The following LPP variants were observed in gnomAD, a reference collection of about 807,000 sequenced individuals.
LPP encodes the protein lipoma-preferred partner.
In LPP, 38 loss-of-function variants were observed where a neutral mutation model predicts 60.4. The observed-to-expected ratio is 0.63, with a 90% confidence interval of 0.49 to 0.83. The LOEUF (loss-of-function observed/expected upper bound fraction) is 0.83, where lower values mean the gene tolerates loss of function less well. Among genes scored for constraint, LPP ranks in the 40% least tolerant of loss-of-function variants. LPP has a pLI of 0.00. For missense variants in LPP, 902 were observed against 783.6 expected (o/e 1.15, Z -1.80); for synonymous variants, 328 against 290.8 (o/e 1.13, Z -1.30).
intron 8 of LPP, chr3:188,725,606 T>G (rs1194001032): frequency 2.0e-5 from 3 of 152,216 alleles, no homozygotes; most frequent in African/African-American, 7.2e-5. Context: ...GATCTCTAGA[T>G]AGGAAATATA....
chr3:188,425,119 A>T (rs148369628), intron 4 of LPP, among the ~76,000 whole-genome samples: 2,572 of 152,230 alleles, frequency 0.017, 83 homozygotes, highest in African/African-American at 0.058. Flanking sequence ...GGTATGTTCC[A>T]TCAATACCTA....
At chr3:188,498,205 A>G (rs1387477067) in intron 5 of LPP, among the ~76,000 whole-genome samples, 2 of 152,148 alleles carry the variant, frequency 1.3e-5, no homozygotes, top group Middle Eastern at 3.2e-3. Flanking sequence ...CATAATATAA[A>G]ATTTACTATC....
At chr3:188,427,081 C>T (rs2149102936) in intron 4 of LPP, among the ~76,000 whole-genome samples, 1 of 152,272 alleles carries the variant, frequency 6.6e-6, no homozygotes, top group South Asian at 2.1e-4. Flanking sequence ...TTTGCAGTGG[C>T]TAGTACTGTA....
At chr3:188,837,256 G>A (rs994040190) in intron 9 of LPP, among the ~76,000 whole-genome samples, 4 of 151,924 alleles carry the variant, frequency 2.6e-5, no homozygotes, top group African/African-American at 9.7e-5. Context: ...GCTGGCGCCT[G>A]TGGTCCCAGC....
At chr3:188,322,412 A>C (rs970819923) in intron 2 of LPP, among the ~76,000 whole-genome samples, 7 of 152,050 alleles carry the variant, frequency 4.6e-5, no homozygotes, top group Non-Finnish European at 1.0e-4. Context: ...CAGAGCCCTG[A>C]GCTGGGAAAT....
At position 188,879,667 on chromosome 3, in the gene LPP, A is replaced by C. The variant is rs1230406235; in HGVS notation, c.*5188A>C. The C allele has an allele frequency of 5.5e-6, 1 of 182,986 alleles. No homozygotes were observed. Among genetic ancestry groups the C allele is most frequent in the African/African-American group, 2.3e-5 (1 of 42,586 alleles). 11.3% of individuals were successfully genotyped at this position (182,986 alleles called of 1,614,324 possible). On this transcript the variant is annotated 3_prime_UTR_variant, in exon 12 of 12. Coordinates refer to ENST00000617246, the MANE Select transcript of LPP (RefSeq NM_001375462.1). ...GTCTGAAGCAATGTAACCCCAAAAA[A>C]TTATAATTTTAATGATGGCATTTTA...
intron 4 of LPP, among the ~76,000 whole-genome samples, chr3:188,443,836 T>G (rs1162832598): frequency 6.6e-6 from 1 of 152,206 alleles, no homozygotes; most frequent in Non-Finnish European, 1.5e-5. Flanking sequence ...CAGCTTAATA[T>G]TATTCATTAA....
At chr3:188,665,854 T>TA (rs756656592) in intron 7 of LPP, among the ~76,000 whole-genome samples, 7 of 152,206 alleles carry the variant, frequency 4.6e-5, no homozygotes, top group African/African-American at 7.2e-5. Flanking sequence ...TCAGTTTTGT[T>TA]AACAAAGTAA....
chr3:188,542,206 T>A (rs2150391612), intron 6 of LPP, among the ~76,000 whole-genome samples: 1 of 152,346 alleles, frequency 6.6e-6, no homozygotes, highest in African/African-American at 2.4e-5. Context: ...TCTTTGTCCA[T>A]GATATTAATA....
At chr3:188,766,340 G>GC (rs75672031) in intron 9 of LPP, among the ~76,000 whole-genome samples, 41,873 of 144,270 alleles carry the variant, frequency 0.29, 6,566 homozygotes, top group South Asian at 0.54. Flanking sequence ...AAAACCATAA[G>GC]CCCTTGTATT....
rs149867356 is a variant in LPP at position 188,356,936 on chromosome 3, G to A, written c.-10+15217G>A. On this transcript the variant is annotated intron_variant, in intron 3 of 11. Coordinates refer to ENST00000617246, the MANE Select transcript of LPP (RefSeq NM_001375462.1). ...ATGAATTTTACTTTGTACGGCCAAAGCGTTTCAACCATTCTGGGGAGGTGG... is the reference window on the plus strand; with the variant it reads ...ATGAATTTTACTTTGTACGGCCAAAACGTTTCAACCATTCTGGGGAGGTGG... 2.5e-4 allele frequency among the ~76,000 whole-genome samples: 38 copies of A among 152,310 alleles called. No homozygotes were observed. In the East Asian group the frequency reaches 7.3e-3, roughly 29 times the overall value.
At chr3:188,373,294 AAT>A (rs1465787136) in intron 3 of LPP, among the ~76,000 whole-genome samples, 1 of 152,206 alleles carries the variant, frequency 6.6e-6, no homozygotes, top group Non-Finnish European at 1.5e-5. Context: ...TGACTTCCAC[AAT>A]GGTTGAACTA....
At chr3:188,487,077 C>A (rs1030940077) in intron 5 of LPP, among the ~76,000 whole-genome samples, 5 of 152,124 alleles carry the variant, frequency 3.3e-5, no homozygotes, top group African/African-American at 1.2e-4. Flanking sequence ...TTAGTTCTCA[C>A]AATGTTATTT....
In LPP at chr3:188,609,679, C is replaced by G. The variant is rs1330210575; in HGVS notation, c.948C>G (p.Thr316=). Residue 316 remains threonine (T), a synonymous_variant, in exon 7 of 12, where the codon ACC becomes ACG. Transcript: ENST00000617246. This position sits in a 1 kb window ranked among gnomAD's most constrained non-coding sequence, Gnocchi z 6.9. ...GGGGCAGAAATGACTCTGACCCTACCTATGGTCAACAAGGTCACCCAAATA... is the reference window on the plus strand; with the variant it reads ...GGGGCAGAAATGACTCTGACCCTACGTATGGTCAACAAGGTCACCCAAATA... ...GYGGRNDSDP[T]YGQQGHPNTW... 2 of 1,613,994 alleles carry G rather than the reference C, an allele frequency of 1.2e-6. No individual in the cohort carries two copies. The highest frequency in any genetic ancestry group is 2.2e-5 in the East Asian group (1 of 44,888).
chr3:188,816,661 C>CT (rs1434280716), intron 9 of LPP, among the ~76,000 whole-genome samples: 3 of 152,180 alleles, frequency 2.0e-5, no homozygotes, highest in African/African-American at 7.2e-5. Context: ...CTCTTATTTA[C>CT]TTTCTTCCTT....
intron 6 of LPP, among the ~76,000 whole-genome samples, chr3:188,525,636 A>G (rs968883727): frequency 6.6e-6 from 1 of 152,160 alleles, no homozygotes; most frequent in Admixed American, 6.5e-5. Flanking sequence ...TACAGGGGAC[A>G]TATTTGTGTA....
chr3:188,623,083 A>G (rs953794449), intron 7 of LPP, among the ~76,000 whole-genome samples: 16 of 40,132 alleles, frequency 4.0e-4, no homozygotes, highest in Non-Finnish European at 8.1e-4. Flanking sequence ...AAGGAAATAG[A>G]CATTGCCCCC....
intron 10 of LPP, among the ~76,000 whole-genome samples, chr3:188,866,896 T>C (rs1766774821): frequency 6.6e-6 from 1 of 152,204 alleles, no homozygotes; most frequent in Admixed American, 6.5e-5. Context: ...CTTTTACTAA[T>C]GCAAGCCTCT....
At chr3:188,690,485 A>C (rs1274590111) in intron 7 of LPP, among the ~76,000 whole-genome samples, 1 of 152,188 alleles carries the variant, frequency 6.6e-6, no homozygotes, top group Non-Finnish European at 1.5e-5. Flanking sequence ...AATTTTTCTA[A>C]TGTTTCAAAA....
Sources: gnomAD v4.1 joint callset for allele counts (sites outside exome capture counted in the v4.1 genomes callset) on GRCh38, gnomAD v4.1.1 for gene constraint, Gnocchi (gnomAD v3.1) non-coding constraint, MANE v1.5 for transcripts, NCBI Gene and HGNC (gene_info 2026-07-23, HGNC 2026-07-21) for gene names.